Variants in SOS1 observed in about 807,000 individuals in gnomAD.
SOS1 encodes the protein SOS Ras/Rac guanine nucleotide exchange factor 1.
SOS1 carries 25 observed loss-of-function variants against 157.6 expected under a neutral mutation model. The ratio of observed to expected loss-of-function variants is 0.16; its 90% CI spans 0.12 to 0.22. The LOEUF is 0.22. SOS1 is among the 10% of genes least tolerant of loss of function. The pLI, the probability that SOS1 is intolerant of heterozygous loss-of-function variation, is 1.00. For synonymous variants in SOS1, 528 were observed against 534.0 expected, an observed-to-expected ratio of 0.99 and a Z score of 0.16; for missense variants, 1,237 against 1,599.1, an observed-to-expected ratio of 0.77 and a Z score of 3.86.
chr2:39,019,875 C>T (rs1013879001), intron 10 of SOS1, among the ~76,000 whole-genome samples: 1 of 151,448 alleles, frequency 6.6e-6, no homozygotes, highest in Non-Finnish European at 1.5e-5. Context: ...ATAGTACGCA[C>T]GTTTGCCCAG....
At chr2:39,043,985 C>A (rs1262373910) in intron 6 of SOS1, among the ~76,000 whole-genome samples, 1 of 152,182 alleles carries the variant, frequency 6.6e-6, no homozygotes, top group African/African-American at 2.4e-5. Flanking sequence ...GACATTGATG[C>A]TACTCTTTTA....
intron 5 of SOS1, among the ~76,000 whole-genome samples, chr2:39,054,206 C>T (rs1420197503): frequency 5.3e-5 from 8 of 152,216 alleles, no homozygotes; most frequent in African/African-American, 7.2e-5. Flanking sequence ...GGATTACAGG[C>T]GTGAGCCACC....
At chr2:39,013,633 A>G (rs1558469717) in intron 12 of SOS1, 70 bp from the exon 13 acceptor site, 1 of 1,086,592 alleles carries the variant, frequency 9.2e-7, no homozygotes, top group Admixed American at 1.7e-5. Flanking sequence ...GCACAGTACA[A>G]TACAAATGAA....
chr2:39,005,490 T>C lies in SOS1; in HGVS notation c.2791+922A>G, dbSNP rs145727219. On this transcript the variant is annotated intron_variant, in intron 17 of 22. Transcript: ENST00000402219. Reference sequence around the variant, plus strand: ...TGCAGCCATTATAAATAATTAAGATTATTTAATAAAATACAAAAATATAAG... The same window carrying C: ...TGCAGCCATTATAAATAATTAAGATCATTTAATAAAATACAAAAATATAAG... Among the ~76,000 whole-genome samples, 329 of 151,020 alleles carry C rather than the reference T, an allele frequency of 2.2e-3. 4 individuals carry two copies. Among genetic ancestry groups the C allele is most frequent in the African/African-American group, 7.2e-3 (289 of 40,390 alleles).
chr2:39,044,012 T>C (rs1670668559), intron 6 of SOS1, among the ~76,000 whole-genome samples: 1 of 152,252 alleles, frequency 6.6e-6, no homozygotes, highest in Non-Finnish European at 1.5e-5. Flanking sequence ...TTAAAGGTTA[T>C]TTCATTACAG....
At chr2:38,987,189 G>C (rs1336203653) in intron 22 of SOS1, among the ~76,000 whole-genome samples, 1 of 152,122 alleles carries the variant, frequency 6.6e-6, no homozygotes. Context: ...TTAAAGAACT[G>C]CTTGAAACCA....
chr2:39,013,301 C>A (rs960760924), intron 13 of SOS1, among the ~76,000 whole-genome samples, 159 bp downstream of exon 13: 1 of 152,068 alleles, frequency 6.6e-6, no homozygotes, highest in Non-Finnish European at 1.5e-5. Flanking sequence ...ATTTGCAGGT[C>A]TAAATGCTAT....
At chr2:38,988,705 G>C (rs1446935575) in intron 21 of SOS1, among the ~76,000 whole-genome samples, 2 of 151,978 alleles carry the variant, frequency 1.3e-5, no homozygotes, top group Non-Finnish European at 2.9e-5. Context: ...AAAAATATTA[G>C]CTTAAATAAT....
intron 5 of SOS1, 73 bp downstream of exon 5, chr2:39,054,541 A>G: frequency 1.2e-6 from 1 of 861,690 alleles, no homozygotes. Context: ...TGAACTGTAC[A>G]ACTTCAAATT....
chr2:39,089,972 CAA>C lies in SOS1; in HGVS notation c.88-22221_88-22220del, dbSNP rs35640140. Among the ~76,000 whole-genome samples, 919 of 125,308 alleles carry C rather than the reference CAA, an allele frequency of 7.3e-3. 3 individuals carry two copies. The highest frequency in any genetic ancestry group is 8.2e-3 in the Non-Finnish European group (494 of 60,420). 82.2% of individuals were successfully genotyped at this position (125,308 alleles called of 152,430 possible). On this transcript the variant is annotated intron_variant, in intron 1 of 22. Coordinates refer to ENST00000402219, the MANE Select transcript of SOS1 (RefSeq NM_005633.4). ...TGAAATCCCGTCTCTACTAAAAATA[CAA>C]AAAAAAAAAAAAAAAATTAGCCAGG...
intron 12 of SOS1, 139 bp downstream of exon 12, chr2:39,013,728 G>A: frequency 1.1e-6 from 1 of 893,258 alleles, no homozygotes; most frequent in South Asian, 1.4e-5. Context: ...TATAATTTCT[G>A]ATAACTGCTC....
At chr2:39,123,638 G>C (rs758264241), upstream of SOS1, among the ~76,000 whole-genome samples, 55 of 149,208 alleles carry the variant, frequency 3.7e-4, no homozygotes, top group Non-Finnish European at 1.5e-4. Context: ...GACTACAGGC[G>C]TGAGCCACCG....
intron 10 of SOS1, among the ~76,000 whole-genome samples, chr2:39,019,737 A>AAAAT (rs1477270877): frequency 3.3e-5 from 5 of 151,690 alleles, no homozygotes; most frequent in Non-Finnish European, 7.4e-5. Context: ...GTTTTGTAAA[A>AAAAT]AAATAAAAAT....
chr2:39,090,151 A>C (rs924989301), intron 1 of SOS1, among the ~76,000 whole-genome samples: 8 of 151,866 alleles, frequency 5.3e-5, no homozygotes, highest in Non-Finnish European at 1.2e-4. Flanking sequence ...AAAAAAAAAA[A>C]AAAAAACACT....
At chr2:39,058,515 T>A (rs1029047436) in intron 3 of SOS1, among the ~76,000 whole-genome samples, 158 bp downstream of exon 3, 4 of 152,112 alleles carry the variant, frequency 2.6e-5, no homozygotes, top group South Asian at 4.1e-4. Context: ...CTTATTATCA[T>A]AGCATCCCTT....
At chr2:39,119,085 C>A (rs563675125) in intron 1 of SOS1, among the ~76,000 whole-genome samples, 1 of 152,308 alleles carries the variant, frequency 6.6e-6, no homozygotes, top group Admixed American at 6.5e-5. Context: ...ACCTCCTACA[C>A]CCCTTCCATT....
rs574134932 is a variant in SOS1, at chr2:39,077,811, G to C, written c.88-10058C>G. On this transcript the variant is annotated intron_variant, in intron 1 of 22. Coordinates refer to ENST00000402219, the MANE Select transcript of SOS1 (RefSeq NM_005633.4). ...CCATATATAAAAACCAACTGAAGAT[G>C]GATCAAGTACATAACGGTGATAAGC... 2.0e-5 allele frequency among the ~76,000 whole-genome samples: 3 copies of C among 152,090 alleles called. No individual in the cohort carries two copies. In the East Asian group the frequency reaches 5.8e-4, roughly 29 times the overall value.
At chr2:39,050,193 T>C (rs1393104200) in intron 6 of SOS1, among the ~76,000 whole-genome samples, 4 of 152,222 alleles carry the variant, frequency 2.6e-5, no homozygotes, top group Non-Finnish European at 5.9e-5. Flanking sequence ...TGTATCATAA[T>C]GAGTGGATTT....
At chr2:39,030,132 A>G (rs1008558610) in intron 8 of SOS1, among the ~76,000 whole-genome samples, 1 of 151,394 alleles carries the variant, frequency 6.6e-6, no homozygotes, top group African/African-American at 2.4e-5. Context: ...CACCACTGCA[A>G]TCCAGCCTGG....
Sources: allele counts gnomAD v4.1 joint callset (sites outside exome capture counted in the v4.1 genomes callset), GRCh38; gene constraint gnomAD v4.1.1; transcripts MANE v1.5; gene names NCBI Gene and HGNC (gene_info 2026-07-23, HGNC 2026-07-21).